YEATS2: variants seen among roughly 807,000 people sequenced by gnomAD.
YEATS2 encodes YEATS domain containing 2, also known as YEATS domain-containing protein 2.
A neutral mutation model predicts 163.2 loss-of-function variants in YEATS2; 77 were observed. That is an observed-to-expected ratio of 0.47 (90% CI 0.39 to 0.57). YEATS2 has a LOEUF of 0.57. YEATS2 is among the 20% of genes least tolerant of loss of function. YEATS2 has a pLI of 0.00. For synonymous variants in YEATS2, 631 were observed against 645.1 expected (o/e 0.98, Z 0.33); for missense variants, 1,549 against 1,729.8 (o/e 0.90, Z 1.85).
At chr3:183,712,219 T>TTTATTTTATG (rs1560220766) in intron 1 of YEATS2, among the ~76,000 whole-genome samples, 1 of 134,838 alleles carries the variant, frequency 7.4e-6, no homozygotes, top group Admixed American at 7.0e-5. Context: ...TTTATTTTAT[T>TTTATTTTATG]TTATTTTTTG....
At chr3:183,707,678 A>G (rs997976336) in intron 1 of YEATS2, among the ~76,000 whole-genome samples, 1 of 106,158 alleles carries the variant, frequency 9.4e-6, no homozygotes, top group South Asian at 3.1e-4. Flanking sequence ...TTCCCCACCT[A>G]TTTTTTTTTT....
intron 1 of YEATS2, among the ~76,000 whole-genome samples, chr3:183,707,733 G>C (rs1714764597): frequency 1.4e-5 from 2 of 146,980 alleles, no homozygotes; most frequent in African/African-American, 5.2e-5. Flanking sequence ...ACCCAGGCTG[G>C]AGTGCAGTGG....
intron 9 of YEATS2, among the ~76,000 whole-genome samples, chr3:183,748,591 T>C (rs939415366): frequency 4.6e-5 from 7 of 151,650 alleles, no homozygotes; most frequent in Admixed American, 6.6e-5. Flanking sequence ...CTCTTCTCTT[T>C]TCTTCTTTTT....
At chr3:183,810,371 CG>C (rs1553886842) in intron 30 of YEATS2, 103 bp from the exon 31 acceptor site, 2 of 1,042,884 alleles carry the variant, frequency 1.9e-6, no homozygotes, top group Non-Finnish European at 2.9e-6. Flanking sequence ...GCCCTCTCCA[CG>C]GGGCCTCTGC....
intron 1 of YEATS2, among the ~76,000 whole-genome samples, chr3:183,713,316 G>T (rs548161288): frequency 1.3e-5 from 2 of 152,300 alleles, no homozygotes; most frequent in African/African-American, 4.8e-5. Flanking sequence ...TGTAATCCCA[G>T]AACTTTGGGA....
At chr3:183,789,741 A>G (rs1724426188) in intron 20 of YEATS2, among the ~76,000 whole-genome samples, 3 of 149,756 alleles carry the variant, frequency 2.0e-5, no homozygotes, top group South Asian at 4.2e-4. Flanking sequence ...GGGTTTCACC[A>G]TGTTAGCCAG....
chr3:183,777,078 GT>G (rs1202439718), intron 18 of YEATS2, among the ~76,000 whole-genome samples: 1 of 152,172 alleles, frequency 6.6e-6, no homozygotes, highest in African/African-American at 2.4e-5. Flanking sequence ...CAGTTGAAAA[GT>G]TGCTCATAGA....
intron 17 of YEATS2, 88 bp downstream of exon 17, chr3:183,773,882 T>G: frequency 7.0e-7 from 1 of 1,423,110 alleles, no homozygotes; most frequent in Non-Finnish European, 9.3e-7. Flanking sequence ...CTTACCTGTT[T>G]CAGGAAGCAT....
chr3:183,798,968 GCTC>G lies in YEATS2; in HGVS notation c.3306_3308del (p.Pro1103del). On this transcript the variant is annotated inframe_deletion, in exon 23 of 31. Transcript: ENST00000305135. Reference sequence around the variant, plus strand: ...CCCAACTCCAGTTGTCCCCAGCTCTGCTCCAGCAGCTGTTGCAAAAGGTACGTA... The same window carrying G: ...CCCAACTCCAGTTGTCCCCAGCTCTGCAGCAGCTGTTGCAAAAGGTACGTA... 6.2e-7 allele frequency: 1 copy of G among 1,614,030 alleles called. No homozygotes were observed. The highest frequency in any genetic ancestry group is 1.6e-4 in the Middle Eastern group (1 of 6,062).
rs78765003 is a variant in YEATS2, at chr3:183,804,988, CAAAA to C, written c.3784+807_3784+810del. ...TGGGCAACAGAGCAAGACTCCGTCTCAAAAAAAAAACCACACACACAAAAAAAAC... is the reference window on the plus strand; with the variant it reads ...TGGGCAACAGAGCAAGACTCCGTCTCAAAAAACCACACACACAAAAAAAAC... On this transcript the variant is annotated intron_variant, in intron 27 of 30. Coordinates refer to ENST00000305135, the MANE Select transcript of YEATS2 (RefSeq NM_018023.5). 3.4e-5 allele frequency among the ~76,000 whole-genome samples: 5 copies of C among 145,090 alleles called. No homozygotes were observed. In the East Asian group the frequency reaches 1.0e-3, roughly 29 times the overall value.
chr3:183,734,408 T>G (rs1204595372), intron 7 of YEATS2, among the ~76,000 whole-genome samples: 2 of 152,188 alleles, frequency 1.3e-5, no homozygotes, highest in African/African-American at 4.8e-5. Context: ...GGCTATTTCA[T>G]AGAGTGGTTG....
At chr3:183,766,021 T>C (rs1335477119) in intron 15 of YEATS2, among the ~76,000 whole-genome samples, 2 of 152,010 alleles carry the variant, frequency 1.3e-5, no homozygotes, top group Non-Finnish European at 2.9e-5. Context: ...CATACAACTT[T>C]GGGACAACAG....
Position 183,788,622 on chromosome 3 carries a change from G to A in YEATS2, c.2914-2175G>A, listed in dbSNP as rs1248668469. ...CCGTAATAAACATGGAAGTGCAGAC[G>A]TCTCCTCATATACTCATTTCCTTTG... On this transcript the variant is annotated intron_variant, in intron 20 of 30. Coordinates refer to ENST00000305135, the MANE Select transcript of YEATS2 (RefSeq NM_018023.5). Among the ~76,000 whole-genome samples, 7 of 152,274 alleles carry A rather than the reference G, an allele frequency of 4.6e-5. No homozygotes were observed. The East Asian group carries it at 1.2e-3, about 25-fold the overall frequency.
At chr3:183,803,889 CAGGTT>C (rs907784388) in intron 26 of YEATS2, 93 bp from the exon 27 acceptor site, 6 of 1,267,928 alleles carry the variant, frequency 4.7e-6, no homozygotes, top group African/African-American at 4.6e-5. Flanking sequence ...AAAATTCTAA[CAGGTT>C]AGGTTAGGAT....
chr3:183,792,716 C>T (rs1172920773), intron 21 of YEATS2, among the ~76,000 whole-genome samples: 1 of 152,046 alleles, frequency 6.6e-6, no homozygotes, highest in African/African-American at 2.4e-5. Flanking sequence ...ACCATGTTGG[C>T]CAGGCTGGTC....
chr3:183,755,988 C>T (rs932340406), intron 11 of YEATS2, among the ~76,000 whole-genome samples: 81 of 152,058 alleles, frequency 5.3e-4, no homozygotes, highest in African/African-American at 1.9e-3. Context: ...TCAGGTGATC[C>T]GCCTGCCTCG....
rs139552959 is a variant in YEATS2, at chr3:183,744,711, A to G, written c.925-2961A>G. ...TTGTGATCCTTCTTTGTACGGTAGT[A>G]TTTTTCCTGTCATTTTTTAGTTAAC... On this transcript the variant is annotated intron_variant, in intron 8 of 30. Coordinates refer to ENST00000305135, the MANE Select transcript of YEATS2 (RefSeq NM_018023.5). 2.0e-4 allele frequency among the ~76,000 whole-genome samples: 30 copies of G among 151,998 alleles called. 1 individual carries two copies. The highest frequency in any genetic ancestry group is 1.6e-3 in the Admixed American group (25 of 15,262).
Position 183,712,199 on chromosome 3 carries a change from T to TTATGTTATGTTATGTTATG in YEATS2, c.-19-2944_-19-2943insATGTTATGTTATGTTATGT, listed in dbSNP as rs1560220669. 8.1e-4 allele frequency among the ~76,000 whole-genome samples: 76 copies of TTATGTTATGTTATGTTATG among 93,938 alleles called. 4 individuals carry two copies. Among genetic ancestry groups the TTATGTTATGTTATGTTATG allele is most frequent in the African/African-American group, 4.8e-3 (76 of 15,942 alleles). The allele number at this position is 93,938 out of a possible 152,430, so 61.6% of individuals were successfully genotyped here. On this transcript the variant is annotated intron_variant, in intron 1 of 30. Coordinates refer to ENST00000305135, the MANE Select transcript of YEATS2 (RefSeq NM_018023.5). ...AGCATTTTATGTTCTTTTATTTTAT[T>TTATGTTATGTTATGTTATG]TTATTTTATTTTATTTTATTTTATT...
chr3:183,724,901 G>T (rs763979957), intron 6 of YEATS2, among the ~76,000 whole-genome samples: 1 of 151,946 alleles, frequency 6.6e-6, no homozygotes, highest in Non-Finnish European at 1.5e-5. Flanking sequence ...ATGCCACCAC[G>T]CCTGGCTAAT....
Sources: gnomAD v4.1 joint callset for allele counts (sites outside exome capture counted in the v4.1 genomes callset) on GRCh38, gnomAD v4.1.1 for gene constraint, MANE v1.5 for transcripts, NCBI Gene and HGNC (gene_info 2026-07-23, HGNC 2026-07-21) for gene names.